The following CHN2 variants were observed in gnomAD, a reference collection of about 807,000 sequenced individuals.
The protein encoded by CHN2 is chimerin 2, also known as beta-chimaerin.
In CHN2, 35 loss-of-function variants were observed where a neutral mutation model predicts 56.3. The ratio of observed to expected loss-of-function variants is 0.62; its 90% CI spans 0.47 to 0.82. CHN2 has a LOEUF of 0.82. Ranked by LOEUF, CHN2 falls within the 40% of genes least tolerant of loss-of-function variation. The pLI, the probability that CHN2 is intolerant of heterozygous loss-of-function variation, is 0.00. For missense variants in CHN2, 491 were observed against 580.5 expected (o/e 0.85, Z 1.58); for synonymous variants, 210 against 212.8 (o/e 0.99, Z 0.12).
At chr7:29,377,927 A>G (rs1266743405) in intron 3 of CHN2, among the ~76,000 whole-genome samples, 1 of 152,236 alleles carries the variant, frequency 6.6e-6, no homozygotes, top group Non-Finnish European at 1.5e-5. Flanking sequence ...GCACAGCCCA[A>G]CAAAGGCATA....
chr7:29,243,138 G>A (rs1410929877), intron 1 of CHN2, among the ~76,000 whole-genome samples: 1 of 151,918 alleles, frequency 6.6e-6, no homozygotes, highest in South Asian at 2.1e-4. Flanking sequence ...ATGTAAATAC[G>A]GCATGGGGAG....
At position 29,248,999 on chromosome 7, in the gene CHN2, G is replaced by A. The variant is rs28461462; in HGVS notation, c.49+54009G>A. Among the ~76,000 whole-genome samples, 48 of 152,260 alleles carry A rather than the reference G, an allele frequency of 3.2e-4. 1 individual carries two copies. Among genetic ancestry groups the A allele is most frequent in the African/African-American group, 1.1e-3 (46 of 41,546 alleles). Reference sequence around the variant, plus strand: ...CTGTGATTCCAGTAGTCAAAAACAAGTTCTTCTTTTGCCCCTGTTTTGGTC... The same window carrying A: ...CTGTGATTCCAGTAGTCAAAAACAAATTCTTCTTTTGCCCCTGTTTTGGTC... On this transcript the variant is annotated intron_variant, in intron 1 of 12. Transcript: ENST00000222792.
chr7:29,179,268 A>G (rs1016509694), intron 2 of CHN2, among the ~76,000 whole-genome samples: 4 of 152,214 alleles, frequency 2.6e-5, no homozygotes, highest in African/African-American at 9.6e-5. Flanking sequence ...ATGGGATGCC[A>G]TCCTTAAGAA....
upstream of CHN2, chr7:29,193,030 T>C (rs1783094139): frequency 6.6e-6 from 1 of 152,292 alleles, no homozygotes; most frequent in Non-Finnish European, 1.5e-5. Flanking sequence ...AACTGCATCA[T>C]TTCGTGCAGT....
rs575038580 is a variant in CHN2 at position 29,379,967 on chromosome 7, T to TAA, written c.144+11989_144+11990dup. Among the ~76,000 whole-genome samples the TAA allele has an allele frequency of 2.4e-3, 363 of 150,490 alleles. 3 individuals are homozygous for TAA. The highest frequency in any genetic ancestry group is 8.5e-3 in the African/African-American group (348 of 41,110). On this transcript the variant is annotated intron_variant, in intron 3 of 12. Transcript: ENST00000222792. ...CAGAAATGCTAAAGTAGGTAATTTG[T>TAA]AAAAAAAAAATTAATAGAGAACAGG...
intron 3 of CHN2, among the ~76,000 whole-genome samples, chr7:29,388,653 A>G (rs554534277): frequency 6.6e-6 from 1 of 152,322 alleles, no homozygotes; most frequent in Admixed American, 6.5e-5. Flanking sequence ...GTCTTAACCC[A>G]CATGTGATCT....
intron 6 of CHN2, among the ~76,000 whole-genome samples, chr7:29,454,009 A>G (rs559275347): frequency 1.3e-5 from 2 of 152,070 alleles, no homozygotes; most frequent in African/African-American, 4.8e-5. Context: ...GTGGGTGCCA[A>G]CTCTAGTGGT....
rs563727571 is a variant in CHN2 at position 29,509,061 on chromosome 7, G to A, written c.1130-240G>A. Among the ~76,000 whole-genome samples, 262 of 152,314 alleles carry A rather than the reference G, an allele frequency of 1.7e-3. 1 individual carries two copies. Among genetic ancestry groups the A allele is most frequent in the African/African-American group, 5.9e-3 (244 of 41,568 alleles). On this transcript the variant is annotated intron_variant, in intron 11 of 12. Transcript: ENST00000222792. ...TGGTTTACAGATTCATGGAGGGCAA[G>A]GACAGTGTCCAGCCTCTGGCCACCC...
chr7:29,436,519 G>A (rs528251248), intron 6 of CHN2, among the ~76,000 whole-genome samples: 4 of 152,194 alleles, frequency 2.6e-5, no homozygotes, highest in Admixed American at 2.0e-4. Flanking sequence ...TTCAGTCCCC[G>A]TTGTCCCCAG....
chr7:29,343,877 G>T (rs931555904), intron 1 of CHN2, among the ~76,000 whole-genome samples: 1 of 152,032 alleles, frequency 6.6e-6, no homozygotes, highest in Non-Finnish European at 1.5e-5. Flanking sequence ...TGAACTGCAG[G>T]TCTCTTAGAG....
At chr7:29,266,555 A>C (rs2128840002) in intron 1 of CHN2, among the ~76,000 whole-genome samples, 1 of 152,258 alleles carries the variant, frequency 6.6e-6, no homozygotes, top group East Asian at 1.9e-4. Flanking sequence ...TGAGCAAGAG[A>C]TTGTGTTTCA....
Position 29,513,529 on chromosome 7 carries a change from G to A in CHN2, c.*794G>A, listed in dbSNP as rs1443566570. On this transcript the variant is annotated 3_prime_UTR_variant, in exon 13 of 13. Transcript: ENST00000222792. ...CATAGTCTTTTCGTATCATGAGTGT[G>A]TATCCCAGAAGATACAGAATGCGGT... 1 of 152,220 alleles carries A rather than the reference G, an allele frequency of 6.6e-6. No homozygotes were observed. The highest frequency in any genetic ancestry group is 1.5e-5 in the Non-Finnish European group (1 of 68,050). The allele number at this position is 152,220 out of a possible 1,614,324, so 9.4% of individuals were successfully genotyped here.
intron 5 of CHN2, among the ~76,000 whole-genome samples, 166 bp downstream of exon 5, chr7:29,398,652 A>T (rs1214301463): frequency 6.6e-6 from 1 of 152,072 alleles, no homozygotes; most frequent in South Asian, 2.1e-4. Flanking sequence ...GCTGGAGTGC[A>T]GTGGCACAAT....
intron 6 of CHN2, among the ~76,000 whole-genome samples, chr7:29,407,298 G>A (rs1349207263): frequency 2.6e-5 from 4 of 151,632 alleles, no homozygotes; most frequent in Non-Finnish European, 5.9e-5. Context: ...CCTTTTTTTT[G>A]GATGGGATCC....
intron 1 of CHN2, among the ~76,000 whole-genome samples, chr7:29,288,595 G>T (rs750055444): frequency 6.6e-6 from 1 of 151,892 alleles, no homozygotes; most frequent in African/African-American, 2.4e-5. Flanking sequence ...TAATCAAGGG[G>T]CTTGGCCATT....
chr7:29,321,659 C>T (rs774789339), intron 1 of CHN2, among the ~76,000 whole-genome samples: 9 of 151,506 alleles, frequency 5.9e-5, no homozygotes, highest in Non-Finnish European at 1.0e-4. Flanking sequence ...CAACCTCCAC[C>T]TCCCGCGTTC....
intron 6 of CHN2, among the ~76,000 whole-genome samples, chr7:29,477,132 A>C (rs140742266): frequency 6.6e-6 from 1 of 152,172 alleles, no homozygotes; most frequent in Non-Finnish European, 1.5e-5. Context: ...TACTGTAATC[A>C]GTTTTCCCTT....
At chr7:29,450,590 C>G (rs1312653417) in intron 6 of CHN2, among the ~76,000 whole-genome samples, 1 of 152,132 alleles carries the variant, frequency 6.6e-6, no homozygotes, top group Non-Finnish European at 1.5e-5. Flanking sequence ...TCTCCTAGCT[C>G]CAGAGGGAGC....
chr7:29,449,918 A>G (rs567182371), intron 6 of CHN2, among the ~76,000 whole-genome samples: 49 of 152,286 alleles, frequency 3.2e-4, no homozygotes, highest in African/African-American at 1.2e-3. Context: ...TGTTTTTATC[A>G]CTTTCTTTTC....
Sources: gnomAD v4.1 joint callset for allele counts (sites outside exome capture counted in the v4.1 genomes callset) on GRCh38, gnomAD v4.1.1 for gene constraint, MANE v1.5 for transcripts, NCBI Gene and HGNC (gene_info 2026-07-23, HGNC 2026-07-21) for gene names.